Variants in SLC39A8 observed in about 807,000 individuals in gnomAD.
The protein encoded by SLC39A8 is metal cation symporter ZIP8.
SLC39A8 carries 15 observed loss-of-function variants against 40.4 expected under a neutral mutation model. The observed-to-expected ratio is 0.37, with a 90% CI of 0.25 to 0.57. SLC39A8 has a LOEUF of 0.57. SLC39A8 is among the 20% of genes least tolerant of loss of function. The pLI, the probability that SLC39A8 is intolerant of heterozygous loss-of-function variation, is 0.75. For missense variants in SLC39A8, 472 were observed against 558.8 expected, an observed-to-expected ratio of 0.84 and a Z score of 1.57; for synonymous variants, 223 against 221.6, an observed-to-expected ratio of 1.01 and a Z score of -0.06.
chr4:102,294,216 T>C, intron 6 of SLC39A8, among the ~76,000 whole-genome samples: 1 of 152,012 alleles, frequency 6.6e-6, no homozygotes, highest in East Asian at 1.9e-4. Context: ...CTCCTACAAA[T>C]GACAGACTCT....
At chr4:102,321,523 T>C (rs377053837) in intron 2 of SLC39A8, among the ~76,000 whole-genome samples, 1 of 152,178 alleles carries the variant, frequency 6.6e-6, no homozygotes, top group Admixed American at 6.5e-5. Context: ...AGAGGTCGTT[T>C]TTTTCTTTTT....
In SLC39A8 at chr4:102,307,494, A is replaced by G; in HGVS notation, c.494T>C (p.Phe165Ser). The G allele has an allele frequency of 1.9e-6, 3 of 1,613,566 alleles. No homozygotes were observed. The highest frequency in any genetic ancestry group is 2.5e-6 in the Non-Finnish European group (3 of 1,179,638). The stretch of plus-strand genomic sequence containing the variant: ...AAGAGTCCCAATAGCCAGCCCCACA[A>G]AAAAGGTCAAAATCTTTGGGAAATA... ...KSYFPKILTF[F>S]VGLAIGTLFS... The change falls in exon 4 of 9, where the codon TTT becomes TCT. Residue 165 changes from phenylalanine to serine, a missense_variant. Transcript: ENST00000356736.
At chr4:102,328,412 T>C (rs760005762) in intron 2 of SLC39A8, among the ~76,000 whole-genome samples, 1 of 152,164 alleles carries the variant, frequency 6.6e-6, no homozygotes, top group Non-Finnish European at 1.5e-5. Context: ...AATTAAATGA[T>C]GCATCTAGGT....
In SLC39A8 at chr4:102,268,050, G is replaced by C. The variant is rs1304065233; in HGVS notation, c.870C>G (p.Thr290=). Reference sequence around the variant, plus strand: ...CTGACAGTTTGGGCCCCTTCAAACAGGTACATGAACTTGGCTCTTTTTTTC... The same window carrying C: ...CTGACAGTTTGGGCCCCTTCAAACACGTACATGAACTTGGCTCTTTTTTTC... The part of the protein sequence containing the change: ...QDGKKEPSSC[T]CLKGPKLSEI... The change falls in exon 7 of 9, where the codon ACC becomes ACG. Residue 290 remains threonine (T), a synonymous_variant. Transcript: ENST00000356736. 6.2e-7 allele frequency: 1 copy of C among 1,614,180 alleles called. No individual in the cohort carries two copies. Among genetic ancestry groups the C allele is most frequent in the East Asian group, 2.2e-5 (1 of 44,888 alleles).
intron 6 of SLC39A8, among the ~76,000 whole-genome samples, chr4:102,271,418 T>C (rs2149007658): frequency 6.6e-6 from 1 of 152,312 alleles, no homozygotes; most frequent in Admixed American, 6.5e-5. Flanking sequence ...ATCCAAATGT[T>C]TGCTTAATGG....
chr4:102,326,629 A>C (rs1735213864), intron 2 of SLC39A8, among the ~76,000 whole-genome samples: 1 of 152,212 alleles, frequency 6.6e-6, no homozygotes, highest in Non-Finnish European at 1.5e-5. Flanking sequence ...AATATTTTCA[A>C]GTTTTCTTAA....
intron 6 of SLC39A8, among the ~76,000 whole-genome samples, chr4:102,281,567 T>C (rs1732873269): frequency 6.6e-6 from 1 of 151,660 alleles, no homozygotes; most frequent in African/African-American, 2.4e-5. Context: ...AAGAAATAGA[T>C]GAGAAGAGAG....
chr4:102,277,515 C>T (rs1329889703), intron 6 of SLC39A8, among the ~76,000 whole-genome samples: 1 of 152,172 alleles, frequency 6.6e-6, no homozygotes, highest in Non-Finnish European at 1.5e-5. Flanking sequence ...AAAAACATTC[C>T]ATGCTCATGG....
At chr4:102,251,629 T>A (rs1383921630) in exon 12 of SLC39A8, 2 of 152,168 alleles carry the variant, frequency 1.3e-5, no homozygotes, top group African/African-American at 4.8e-5. Context: ...AAAGAGCCCA[T>A]ATAGGGAAAA....
chr4:102,267,678 G>C lies in SLC39A8; in HGVS notation c.1049-4C>G, dbSNP rs1244400973. 6.5e-7 allele frequency: 1 copy of C among 1,529,424 alleles called. No homozygotes were observed. The highest frequency in any genetic ancestry group is 8.7e-7 in the Non-Finnish European group (1 of 1,155,256). 94.7% of individuals were successfully genotyped at this position (1,529,424 alleles called of 1,614,324 possible). On this transcript the variant is annotated splice_polypyrimidine_tract_variant and splice_region_variant and intron_variant, in intron 7 of 8. Transcript: ENST00000356736. ...TTGAGTAGGATCACAAAGTCTCCTA[G>C]AAGAAGAAGAAGAAAATATCAAGTG... is the stretch of plus-strand genomic sequence containing the variant.
intron 11 of SLC39A8, among the ~76,000 whole-genome samples, chr4:102,256,334 A>C (rs528011733): frequency 6.6e-6 from 1 of 152,362 alleles, no homozygotes; most frequent in Admixed American, 6.5e-5. Context: ...AAGGATTCCC[A>C]TAAGGCATAA....
At chr4:102,284,247 C>T (rs1473662480) in intron 6 of SLC39A8, among the ~76,000 whole-genome samples, 1 of 152,126 alleles carries the variant, frequency 6.6e-6, no homozygotes, top group Admixed American at 6.6e-5. Flanking sequence ...CACCCTCTTC[C>T]CTCCTGCTCA....
At chr4:102,305,698 T>C (rs574792570) in intron 4 of SLC39A8, among the ~76,000 whole-genome samples, 1 of 152,096 alleles carries the variant, frequency 6.6e-6, no homozygotes, top group Admixed American at 6.6e-5. Context: ...GCCACCACTC[T>C]CTCTCTCTCT....
chr4:102,299,084 A>G (rs1733798121), intron 6 of SLC39A8, among the ~76,000 whole-genome samples: 1 of 151,970 alleles, frequency 6.6e-6, no homozygotes, highest in Non-Finnish European at 1.5e-5. Context: ...TGGGAAGTAC[A>G]GTACTAAAGA....
chr4:102,289,853 A>G (rs568917978), intron 6 of SLC39A8, among the ~76,000 whole-genome samples: 4 of 152,296 alleles, frequency 2.6e-5, no homozygotes, highest in East Asian at 3.9e-4. Context: ...AACAGAATCT[A>G]CTGCTGGTAT....
At chr4:102,339,369 T>A (rs1309534220) in intron 2 of SLC39A8, among the ~76,000 whole-genome samples, 2 of 151,478 alleles carry the variant, frequency 1.3e-5, no homozygotes, top group Non-Finnish European at 2.9e-5. Context: ...CTGTCCATAG[T>A]CAGTGCTTCC....
chr4:102,269,153 T>C (rs1578558722), intron 6 of SLC39A8, among the ~76,000 whole-genome samples: 1 of 147,546 alleles, frequency 6.8e-6, no homozygotes, highest in East Asian at 1.9e-4. Flanking sequence ...ATAATATATA[T>C]GGATACATTA....
chr4:102,330,234 C>T (rs946151404), intron 2 of SLC39A8, among the ~76,000 whole-genome samples: 3 of 152,040 alleles, frequency 2.0e-5, no homozygotes, highest in African/African-American at 7.2e-5. Context: ...AATCCAGGAG[C>T]TGGTTTTTTT....
At chr4:102,266,403 A>G (rs978772685) in intron 8 of SLC39A8, among the ~76,000 whole-genome samples, 7 of 152,222 alleles carry the variant, frequency 4.6e-5, no homozygotes, top group African/African-American at 1.7e-4. Flanking sequence ...TGCAGAGAAC[A>G]ACGAACAGAG....
Sources: allele counts gnomAD v4.1 joint callset (sites outside exome capture counted in the v4.1 genomes callset), GRCh38; gene constraint gnomAD v4.1.1; transcripts MANE v1.5; gene names NCBI Gene and HGNC (gene_info 2026-07-23, HGNC 2026-07-21).